GUCY2F: variants seen among roughly 807,000 people sequenced by gnomAD.
GUCY2F encodes guanylate cyclase 2F, retinal.
A neutral mutation model predicts 73.1 loss-of-function variants in GUCY2F; 61 were observed. That is an observed-to-expected ratio of 0.83 (90% CI 0.68 to 1.03). The LOEUF (loss-of-function observed/expected upper bound fraction) is 1.03, where lower values mean the gene tolerates loss of function less well. Among genes scored for constraint, GUCY2F ranks in the 50% least tolerant of loss-of-function variants. The pLI, the probability that GUCY2F is intolerant of heterozygous loss-of-function variation, is 0.00. For synonymous variants in GUCY2F, 331 were observed against 307.8 expected, an observed-to-expected ratio of 1.08 and a Z score of -0.79; for missense variants, 912 against 854.3, an observed-to-expected ratio of 1.07 and a Z score of -0.84.
At chrX:109,387,175 G>A (rs1260472300) in intron 15 of GUCY2F, among the ~76,000 whole-genome samples, 3 of 111,860 alleles carry the variant, frequency 2.7e-5, no homozygotes, top group Non-Finnish European at 3.8e-5. Context: ...CCAGGCTTGG[G>A]TTGTGAGAGT....
Position 109,409,157 on chromosome X carries a change from C to T in GUCY2F, c.1803G>A (p.Leu601=). Residue 601 remains leucine (L), a synonymous_variant, in exon 9 of 20, where the codon TTG becomes TTA. Coordinates refer to ENST00000218006, the MANE Select transcript of GUCY2F (RefSeq NM_001522.3). ...ATAAAGGGTTAATATTCTCATGACG[C>T]AAGTCCTTCATCTGGAAATGAGAGA... is the stretch of plus-strand genomic sequence containing the variant. ...ASDVFEMMKD[L]RHENINPLLG... is the part of the protein sequence containing the mutation. The T allele has an allele frequency of 9.1e-7, 1 of 1,093,425 alleles. No individual in the cohort carries two copies. 90.1% of individuals were successfully genotyped at this position (1,093,425 alleles called of 1,213,427 possible). A position where few individuals can be genotyped will look rare whatever the true frequency, so the allele number is the denominator to read the frequency against.
chrX:109,431,132 C>G (rs1300112226), intron 7 of GUCY2F, among the ~76,000 whole-genome samples: 6 of 111,490 alleles, frequency 5.4e-5, no homozygotes, highest in Non-Finnish European at 9.4e-5. Context: ...TGATAGATAA[C>G]CTTTTTCTAC....
chrX:109,378,720 C>A (rs1930233508), intron 17 of GUCY2F, among the ~76,000 whole-genome samples: 1 of 111,471 alleles, frequency 9.0e-6, no homozygotes, highest in African/African-American at 3.3e-5. Context: ...ACTTAGGAAC[C>A]TGAGAACCAA....
chrX:109,477,232 G>T (rs989544144), intron 1 of GUCY2F, among the ~76,000 whole-genome samples: 1 of 111,444 alleles, frequency 9.0e-6, no homozygotes, highest in Non-Finnish European at 1.9e-5. Context: ...ACAAGAACTT[G>T]GTGACTGACA....
intron 7 of GUCY2F, among the ~76,000 whole-genome samples, chrX:109,436,930 T>TATA (rs1226015949): frequency 6.7e-5 from 6 of 89,574 alleles, no homozygotes; most frequent in African/African-American, 2.1e-4. Flanking sequence ...AAACTTAAAG[T>TATA]ATAATAATAA....
chrX:109,459,340 T>A (rs1246391393), intron 3 of GUCY2F, among the ~76,000 whole-genome samples: 3 of 111,137 alleles, frequency 2.7e-5, no homozygotes, highest in African/African-American at 9.8e-5. Context: ...CCCTTAAGAA[T>A]CCTGGAAAGA....
At chrX:109,382,251 C>G (rs1186129247) in intron 16 of GUCY2F, 39 bp from the exon 17 acceptor site, 1 of 768,272 alleles carries the variant, frequency 1.3e-6, no homozygotes, top group Admixed American at 2.3e-5. Context: ...GCTCCTTTCT[C>G]ACTGGCAAAA....
At chrX:109,395,841 C>G (rs1397320174) in intron 11 of GUCY2F, among the ~76,000 whole-genome samples, 2 of 111,627 alleles carry the variant, frequency 1.8e-5, no homozygotes, top group Non-Finnish European at 3.8e-5. Context: ...GCCTTCCAAT[C>G]CCCACAATAG....
chrX:109,436,790 TG>T (rs1164015198), intron 7 of GUCY2F, among the ~76,000 whole-genome samples: 1 of 75,081 alleles, frequency 1.3e-5, no homozygotes. Flanking sequence ...TGTTGTGGGG[TG>T]GGGGGAGTGG....
chrX:109,476,044 T>C (rs1353683753), intron 1 of GUCY2F, 23 bp from the exon 2 acceptor site: 1 of 686,210 alleles, frequency 1.5e-6, no homozygotes, highest in Non-Finnish European at 2.1e-6. Context: ...GGAAAAGGTT[T>C]GTTACTCACA....
chrX:109,421,748 G>A (rs1931377163), intron 8 of GUCY2F, among the ~76,000 whole-genome samples: 1 of 110,949 alleles, frequency 9.0e-6, no homozygotes, highest in East Asian at 2.8e-4. Flanking sequence ...TATGTTATGT[G>A]ATTTTTTTTA....
chrX:109,392,862 G>T, intron 13 of GUCY2F, 30 bp downstream of exon 13: 3 of 973,870 alleles, frequency 3.1e-6, no homozygotes, highest in South Asian at 2.0e-5. Context: ...CTGTTATAAG[G>T]ATTCACACTC....
intron 8 of GUCY2F, among the ~76,000 whole-genome samples, chrX:109,412,075 A>G (rs780730973): frequency 7.1e-5 from 8 of 112,142 alleles, no homozygotes; most frequent in Non-Finnish European, 1.3e-4. Context: ...GGTGAATTTC[A>G]CCATTAAAAT....
intron 8 of GUCY2F, among the ~76,000 whole-genome samples, chrX:109,415,414 G>T (rs1603381418): frequency 8.9e-6 from 1 of 112,524 alleles, no homozygotes; most frequent in South Asian, 3.7e-4. Context: ...GAGGAGACTA[G>T]AAAGCTTCTG....
At chrX:109,476,789 ATG>A (rs1421179285) in intron 1 of GUCY2F, among the ~76,000 whole-genome samples, 1 of 109,161 alleles carries the variant, frequency 9.2e-6, no homozygotes, top group African/African-American at 3.4e-5. Context: ...CTATATATAT[ATG>A]TGTGTGTGTA....
intron 19 of GUCY2F, 78 bp downstream of exon 19, chrX:109,375,820 C>G: frequency 1.5e-6 from 1 of 680,887 alleles, no homozygotes; most frequent in South Asian, 2.2e-5. Context: ...TAGGCTGACA[C>G]TGGCACGCAT....
Position 109,384,616 on chromosome X carries a change from T to C in GUCY2F, c.3055+568A>G, listed in dbSNP as rs147199386. 8.6e-4 allele frequency among the ~76,000 whole-genome samples: 96 copies of C among 111,802 alleles called. 2 individuals are homozygous for C. The East Asian group carries it at 0.027, about 31-fold the overall frequency. On this transcript the variant is annotated intron_variant, in intron 16 of 19. Transcript: ENST00000218006. The stretch of plus-strand genomic sequence containing the variant: ...CTAAGGGTTTTATATACAGGGAAGT[T>C]GCAATAAATTATTTCAGAATTCCAA...
At chrX:109,407,378 A>G (rs1477867244) in intron 9 of GUCY2F, among the ~76,000 whole-genome samples, 1 of 113,140 alleles carries the variant, frequency 8.8e-6, no homozygotes, top group African/African-American at 3.2e-5. Flanking sequence ...GGTGCTGTTA[A>G]AAGCATTCTG....
chrX:109,378,913 A>G (rs138502970), intron 17 of GUCY2F, among the ~76,000 whole-genome samples: 25 of 112,114 alleles, frequency 2.2e-4, no homozygotes, highest in African/African-American at 7.8e-4. Context: ...CAGTCTGTCA[A>G]AAAGATATCT....
Sources: allele counts gnomAD v4.1 joint callset (sites outside exome capture counted in the v4.1 genomes callset), GRCh38; gene constraint gnomAD v4.1.1; transcripts MANE v1.5; gene names NCBI Gene and HGNC (gene_info 2026-07-23, HGNC 2026-07-21).